The following PRKCH variants were observed in gnomAD, a reference collection of about 807,000 sequenced individuals.
PRKCH encodes the protein protein kinase C eta type.
A neutral mutation model predicts 82.5 loss-of-function variants in PRKCH; 28 were observed. The observed-to-expected ratio is 0.34, with a 90% CI of 0.25 to 0.47. The LOEUF (loss-of-function observed/expected upper bound fraction) is 0.47, where lower values mean the gene tolerates loss of function less well. Among genes scored for constraint, PRKCH ranks in the 20% least tolerant of loss-of-function variants. The pLI is 1.00. For missense variants in PRKCH, 705 were observed against 881.8 expected (o/e 0.80, Z 2.54); for synonymous variants, 322 against 327.4 (o/e 0.98, Z 0.18).
chr14:61,256,919 T>C (rs2140076878), intron 1 of PRKCH, among the ~76,000 whole-genome samples: 2 of 152,300 alleles, frequency 1.3e-5, no homozygotes, highest in Middle Eastern at 3.4e-3. Flanking sequence ...TGGTCTCCAA[T>C]CTCCAAAGTG....
At chr14:61,389,916 A>T (rs543506921) in intron 1 of PRKCH, among the ~76,000 whole-genome samples, 1 of 152,138 alleles carries the variant, frequency 6.6e-6, no homozygotes, top group Non-Finnish European at 1.5e-5. Context: ...TTGACCAAAA[A>T]TGGTCATTCG....
chr14:61,287,987 A>G (rs2045329789), intron 1 of PRKCH, among the ~76,000 whole-genome samples: 1 of 152,228 alleles, frequency 6.6e-6, no homozygotes, highest in South Asian at 2.1e-4. Context: ...TTTCTTACGT[A>G]TCAGGTAAAT....
chr14:61,228,197 C>T (rs76496745), intron 1 of PRKCH, among the ~76,000 whole-genome samples: 6,529 of 152,170 alleles, frequency 0.043, 251 homozygotes, highest in African/African-American at 0.098. Context: ...AGTAACTTGG[C>T]CATTGAATCC....
At chr14:61,204,453 G>A (rs1271318441) in intron 1 of PRKCH, among the ~76,000 whole-genome samples, 3 of 152,018 alleles carry the variant, frequency 2.0e-5, no homozygotes, top group Non-Finnish European at 2.9e-5. Context: ...AAGTGTATAA[G>A]GGATAGAAAA....
chr14:61,207,741 G>T (rs1380923205), intron 1 of PRKCH, among the ~76,000 whole-genome samples: 1 of 152,174 alleles, frequency 6.6e-6, no homozygotes, highest in Non-Finnish European at 1.5e-5. Flanking sequence ...ACTTGAAAAA[G>T]TAGGCATTAT....
chr14:61,226,316 A>C (rs1312805413), intron 1 of PRKCH, among the ~76,000 whole-genome samples: 1 of 152,232 alleles, frequency 6.6e-6, no homozygotes, highest in Non-Finnish European at 1.5e-5. Context: ...ACATTTATCC[A>C]GGACCAAAAT....
In PRKCH at chr14:61,457,187, C is replaced by T. The variant is rs1884809100; in HGVS notation, c.972C>T (p.Ser324=). ...GNISPTSKLV[S]RSTLRRQGKE... is the part of the protein sequence containing the mutation. ...TCTTACTCTTTCAGAAACTCGTTTC[C>T]AGATCGACCCTAAGACGACAGGGAA... Residue 324 remains serine, a synonymous_variant, in exon 8 of 14, where the codon TCC becomes TCT. Transcript: ENST00000332981. 12 of 1,613,828 alleles carry T rather than the reference C, an allele frequency of 7.4e-6. No individual in the cohort carries two copies. Among genetic ancestry groups the T allele is most frequent in the Middle Eastern group, 1.6e-4 (1 of 6,082 alleles).
chr14:61,431,566 C>A (rs1045451890), intron 2 of PRKCH, among the ~76,000 whole-genome samples: 3 of 148,840 alleles, frequency 2.0e-5, no homozygotes, highest in Admixed American at 6.8e-5. Context: ...GGATTCGCTG[C>A]TGCTAATGTT....
chr14:61,547,775 C>T lies in PRKCH; in HGVS notation c.1794C>T (p.Gly598=), dbSNP rs748746221. The T allele has an allele frequency of 1.2e-6, 2 of 1,614,154 alleles. No homozygotes were observed. The highest frequency in any genetic ancestry group is 1.7e-6 in the Non-Finnish European group (2 of 1,180,014). ...FMTKNPTMRL[G]SLTQGGEHAI... ...CCAAGAACCCCACCATGCGCTTGGGCAGCCTGACTCAGGGAGGCGAGCACG... is the reference window on the plus strand; with the variant it reads ...CCAAGAACCCCACCATGCGCTTGGGTAGCCTGACTCAGGGAGGCGAGCACG... Residue 598 remains glycine, a synonymous_variant, in exon 13 of 14, where the codon GGC becomes GGT. Transcript: ENST00000332981.
At chr14:61,218,712 G>A (rs1270034675) in intron 1 of PRKCH, among the ~76,000 whole-genome samples, 2 of 152,146 alleles carry the variant, frequency 1.3e-5, no homozygotes, top group African/African-American at 4.8e-5. Context: ...ATGTGAGCTT[G>A]TTTCCTCATT....
chr14:61,378,008 C>T (rs1468702297), intron 1 of PRKCH, among the ~76,000 whole-genome samples: 1 of 152,156 alleles, frequency 6.6e-6, no homozygotes, highest in African/African-American at 2.4e-5. Context: ...CTCTCTTACT[C>T]CTGTATGGAC....
At chr14:61,450,633 C>T (rs577863089) in intron 5 of PRKCH, among the ~76,000 whole-genome samples, 2 of 152,222 alleles carry the variant, frequency 1.3e-5, no homozygotes, top group East Asian at 3.9e-4. Context: ...ATGTGTTTCC[C>T]ACATTTCTGT....
chr14:61,401,575 G>C (rs987897470), intron 2 of PRKCH, among the ~76,000 whole-genome samples: 9 of 152,170 alleles, frequency 5.9e-5, no homozygotes, highest in African/African-American at 2.2e-4. Flanking sequence ...AAAGAGAAAT[G>C]GTGGGTAAAA....
intron 1 of PRKCH, among the ~76,000 whole-genome samples, chr14:61,226,222 T>TGTTA (rs1227498857): frequency 2.0e-5 from 3 of 152,312 alleles, no homozygotes; most frequent in African/African-American, 7.2e-5. Context: ...CCAGGCACTG[T>TGTTA]GTTAGTTATT....
At chr14:61,442,104 G>A (rs1031071776) in intron 2 of PRKCH, among the ~76,000 whole-genome samples, 3 of 151,910 alleles carry the variant, frequency 2.0e-5, no homozygotes, top group Non-Finnish European at 4.4e-5. Flanking sequence ...ATTATTTCAT[G>A]GTTTCTTAAA....
intron 2 of PRKCH, among the ~76,000 whole-genome samples, chr14:61,428,473 G>A (rs1883238435): frequency 6.6e-6 from 1 of 152,032 alleles, no homozygotes; most frequent in Non-Finnish European, 1.5e-5. Flanking sequence ...GGTTGAGAAG[G>A]GGTCCATTCA....
At chr14:61,477,326 G>A (rs1293857110) in intron 9 of PRKCH, 2 of 152,194 alleles carry the variant, frequency 1.3e-5, no homozygotes, top group East Asian at 3.8e-4. Flanking sequence ...TACGTGTTAT[G>A]TCTATCTTTG....
rs191128196 is a variant in PRKCH, at chr14:61,347,310, G to A, written c.363+24846G>A. Among the ~76,000 whole-genome samples, 17 of 152,312 alleles carry A rather than the reference G, an allele frequency of 1.1e-4. No homozygotes were observed. The East Asian group carries it at 3.3e-3, about 29-fold the overall frequency. On this transcript the variant is annotated intron_variant, in intron 1 of 13. Coordinates refer to ENST00000332981, the MANE Select transcript of PRKCH (RefSeq NM_006255.5). ...GGTTGAGGTATTGCAGTTTAAAGCA[G>A]TTTGGATGTGCTGATAATTTTTTTC... is the stretch of plus-strand genomic sequence containing the variant.
intron 1 of PRKCH, among the ~76,000 whole-genome samples, chr14:61,192,538 CGGTT>C (rs1566775512): frequency 6.6e-6 from 1 of 152,112 alleles, no homozygotes; most frequent in African/African-American, 2.4e-5. Context: ...TCACCAAAGT[CGGTT>C]ATCAGGTAGG....
Sources: allele counts gnomAD v4.1 joint callset (sites outside exome capture counted in the v4.1 genomes callset), GRCh38; gene constraint gnomAD v4.1.1; transcripts MANE v1.5; gene names NCBI Gene and HGNC (gene_info 2026-07-23, HGNC 2026-07-21).